CDC42BPA: variants seen among roughly 807,000 people sequenced by gnomAD.
The protein encoded by CDC42BPA is CDC42 binding protein kinase alpha.
In CDC42BPA, 80 loss-of-function variants were observed where a neutral mutation model predicts 223.5. The observed-to-expected ratio is 0.36, with a 90% CI of 0.30 to 0.43. CDC42BPA has a LOEUF of 0.43. Among genes scored for constraint, CDC42BPA ranks in the 20% least tolerant of loss-of-function variants. CDC42BPA has a pLI of 1.00. For synonymous variants in CDC42BPA, 694 were observed against 718.6 expected, an observed-to-expected ratio of 0.97 and a Z score of 0.55; for missense variants, 1,743 against 2,099.9, an observed-to-expected ratio of 0.83 and a Z score of 3.32.
intron 2 of CDC42BPA, among the ~76,000 whole-genome samples, chr1:227,219,027 A>G (rs1675369769): frequency 6.6e-6 from 1 of 152,224 alleles, no homozygotes; most frequent in Non-Finnish European, 1.5e-5. Flanking sequence ...AAAATACAGT[A>G]TGCCCACACC....
chr1:227,264,513 AG>A (rs1279924420), intron 1 of CDC42BPA, among the ~76,000 whole-genome samples: 1 of 150,912 alleles, frequency 6.6e-6, no homozygotes, highest in African/African-American at 2.5e-5. Flanking sequence ...ATATCCTTTG[AG>A]GTTTTCTTAC....
chr1:227,118,626 T>C (rs1489694338), intron 12 of CDC42BPA, among the ~76,000 whole-genome samples: 3 of 152,134 alleles, frequency 2.0e-5, no homozygotes, highest in African/African-American at 7.2e-5. Flanking sequence ...TCCAAAGGGT[T>C]AGAGAAAGAA....
At chr1:227,047,881 A>T in intron 23 of CDC42BPA, 46 bp downstream of exon 23, 1 of 1,143,372 alleles carries the variant, frequency 8.7e-7, no homozygotes, top group Non-Finnish European at 1.3e-6. Context: ...AGCAGATAAA[A>T]TTCATTTTTT....
At chr1:227,245,284 C>CTTTTTTGTCTTGCATCTTTTTTT (rs1680728279) in intron 2 of CDC42BPA, among the ~76,000 whole-genome samples, 2 of 81,786 alleles carry the variant, frequency 2.4e-5, no homozygotes, top group Admixed American at 2.8e-4. Flanking sequence ...TGTCTTGCAT[C>CTTTTTTGTCTTGCATCTTTTTTT]TTTTTTTTTT....
intron 2 of CDC42BPA, among the ~76,000 whole-genome samples, chr1:227,241,620 CAAAATTAATCTACAGTT>C (rs1390561270): frequency 2.6e-5 from 4 of 152,048 alleles, no homozygotes; most frequent in Admixed American, 2.0e-4. Flanking sequence ...TTCAAACAGT[CAAAATTAATCTACAGTT>C]AAAACTCAGA....
chr1:227,159,022 T>C (rs909848640), intron 6 of CDC42BPA, among the ~76,000 whole-genome samples: 3 of 152,174 alleles, frequency 2.0e-5, no homozygotes, highest in African/African-American at 7.2e-5. Context: ...GGGATAATAG[T>C]ATTATGCTGC....
Position 227,239,977 on chromosome 1 carries a change from AT to A in CDC42BPA, c.270+14086del, listed in dbSNP as rs148597529. Reference sequence around the variant, plus strand: ...TACAAAGTAAAAAGGATGCGTCCCTATTCTGAAAATCCTATTATCAGACAGC... The same window carrying A: ...TACAAAGTAAAAAGGATGCGTCCCTATCTGAAAATCCTATTATCAGACAGC... On this transcript the variant is annotated intron_variant, in intron 2 of 36. Coordinates refer to ENST00000366766, the MANE Select transcript of CDC42BPA (RefSeq NM_001394014.1). Among the ~76,000 whole-genome samples the A allele has an allele frequency of 1.3e-3, 198 of 152,264 alleles. 1 individual carries two copies. The East Asian group carries it at 0.03, about 23-fold the overall frequency.
At chr1:227,055,850 AG>A in intron 21 of CDC42BPA, among the ~76,000 whole-genome samples, 1 of 152,184 alleles carries the variant, frequency 6.6e-6, no homozygotes, top group East Asian at 1.9e-4. Context: ...AACAGTCATT[AG>A]AAACATCTAC....
At chr1:227,064,863 C>T (rs767093137) in intron 21 of CDC42BPA, among the ~76,000 whole-genome samples, 2 of 151,978 alleles carry the variant, frequency 1.3e-5, no homozygotes, top group South Asian at 2.1e-4. Context: ...TTTGGGAGGC[C>T]GAGGTGGGCA....
rs578056422 is a variant in CDC42BPA at position 227,060,011 on chromosome 1, T to A, written c.2905-8026A>T. 5.2e-3 allele frequency among the ~76,000 whole-genome samples: 779 copies of A among 149,356 alleles called. 8 individuals are homozygous for A. Among genetic ancestry groups the A allele is most frequent in the African/African-American group, 0.018 (735 of 40,712 alleles). Reference sequence around the variant, plus strand: ...GTAATTAGGAAAAAAGGAACAATTATCTCAAAAAGTTTTTTTTTGTTTTTT... The same window carrying A: ...GTAATTAGGAAAAAAGGAACAATTAACTCAAAAAGTTTTTTTTTGTTTTTT... On this transcript the variant is annotated intron_variant, in intron 21 of 36. Coordinates refer to ENST00000366766, the MANE Select transcript of CDC42BPA (RefSeq NM_001394014.1).
At chr1:227,094,203 C>G (rs1383266161) in intron 15 of CDC42BPA, among the ~76,000 whole-genome samples, 2 of 152,104 alleles carry the variant, frequency 1.3e-5, no homozygotes, top group East Asian at 3.8e-4. Context: ...CTTTTTTTAT[C>G]TGAGGAATGT....
At chr1:227,296,498 G>C (rs1265096057) in intron 1 of CDC42BPA, among the ~76,000 whole-genome samples, 1 of 152,056 alleles carries the variant, frequency 6.6e-6, no homozygotes, top group Non-Finnish European at 1.5e-5. Context: ...TTGAGGTCAG[G>C]AGTTCGAGAC....
intron 5 of CDC42BPA, among the ~76,000 whole-genome samples, chr1:227,177,852 T>G (rs1346469531): frequency 6.6e-6 from 1 of 152,214 alleles, no homozygotes; most frequent in Non-Finnish European, 1.5e-5. Context: ...CTGTTTTTCA[T>G]GGGATAATTT....
chr1:227,266,038 G>A (rs1015815), intron 1 of CDC42BPA, among the ~76,000 whole-genome samples: 22,810 of 152,150 alleles, frequency 0.15, 2,076 homozygotes, highest in African/African-American at 0.24. Context: ...GTATGTGGCA[G>A]ACTGCCTAGT....
At chr1:227,202,453 T>C (rs945792599) in intron 3 of CDC42BPA, among the ~76,000 whole-genome samples, 1 of 152,130 alleles carries the variant, frequency 6.6e-6, no homozygotes, top group Non-Finnish European at 1.5e-5. Context: ...CTCACTATAA[T>C]AGCAATCCGA....
chr1:227,172,459 A>G (rs925909570), intron 5 of CDC42BPA, among the ~76,000 whole-genome samples: 8 of 152,236 alleles, frequency 5.3e-5, no homozygotes, highest in African/African-American at 1.7e-4. Flanking sequence ...AACAAGTAAA[A>G]CAACCCACAT....
At chr1:227,173,739 T>G (rs1407332629) in intron 5 of CDC42BPA, among the ~76,000 whole-genome samples, 1 of 152,100 alleles carries the variant, frequency 6.6e-6, no homozygotes, top group African/African-American at 2.4e-5. Context: ...CCCTATATAT[T>G]AATACTTCTT....
chr1:227,170,069 T>C (rs568687450), intron 5 of CDC42BPA, among the ~76,000 whole-genome samples: 5 of 152,300 alleles, frequency 3.3e-5, no homozygotes, highest in East Asian at 1.9e-4. Flanking sequence ...ATCAAGAAGA[T>C]TGTCCCTTCA....
chr1:227,225,888 G>A (rs1226997629), intron 2 of CDC42BPA, among the ~76,000 whole-genome samples: 2 of 152,194 alleles, frequency 1.3e-5, no homozygotes, highest in African/African-American at 4.8e-5. Context: ...AAGGAGATGA[G>A]TGCTTGGGCA....
Sources: allele counts gnomAD v4.1 joint callset (sites outside exome capture counted in the v4.1 genomes callset), GRCh38; gene constraint gnomAD v4.1.1; transcripts MANE v1.5; gene names NCBI Gene and HGNC (gene_info 2026-07-23, HGNC 2026-07-21).